SLC38A9: variants seen among roughly 807,000 people sequenced by gnomAD.
SLC38A9 encodes the protein solute carrier family 38 member 9.
SLC38A9 carries 48 observed loss-of-function variants against 62.3 expected under a neutral mutation model. The observed-to-expected ratio is 0.77, with a 90% confidence interval of 0.61 to 0.98. SLC38A9 has a LOEUF of 0.98. SLC38A9 is among the 50% of genes least tolerant of loss of function. SLC38A9 has a pLI of 0.00. For synonymous variants in SLC38A9, 204 were observed against 227.7 expected, an observed-to-expected ratio of 0.90 and a Z score of 0.94; for missense variants, 541 against 679.8, an observed-to-expected ratio of 0.80 and a Z score of 2.27.
intron 3 of SLC38A9, among the ~76,000 whole-genome samples, chr5:55,682,529 A>T (rs918004857): frequency 6.6e-6 from 1 of 152,212 alleles, no homozygotes; most frequent in African/African-American, 2.4e-5. Context: ...GTGGTGGCTC[A>T]TGCTTGTGAT....
At chr5:55,672,844 G>A in intron 3 of SLC38A9, 149 bp from the exon 4 acceptor site, 1 of 717,916 alleles carries the variant, frequency 1.4e-6, no homozygotes, top group Non-Finnish European at 2.2e-6. Context: ...AACAGAAAAT[G>A]TTACAAAAGA....
At chr5:55,688,799 TAATAG>T (rs1754326719) in intron 3 of SLC38A9, among the ~76,000 whole-genome samples, 1 of 152,132 alleles carries the variant, frequency 6.6e-6, no homozygotes, top group East Asian at 1.9e-4. Context: ...ACTCTCACTA[TAATAG>T]AAAAGAGAAA....
At chr5:55,631,789 TTTAAG>T (rs994677407) in intron 14 of SLC38A9, among the ~76,000 whole-genome samples, 33 of 152,354 alleles carry the variant, frequency 2.2e-4, no homozygotes, top group African/African-American at 7.2e-4. Flanking sequence ...TCAAATTTTA[TTTAAG>T]TTATCTTTCT....
chr5:55,667,107 A>G (rs1474628358), intron 7 of SLC38A9, among the ~76,000 whole-genome samples: 1 of 152,216 alleles, frequency 6.6e-6, no homozygotes, highest in Non-Finnish European at 1.5e-5. Context: ...AGGCATGAGA[A>G]TTGCTTGAAC....
intron 7 of SLC38A9, among the ~76,000 whole-genome samples, chr5:55,666,517 T>C (rs1580252623): frequency 6.6e-6 from 1 of 152,276 alleles, no homozygotes; most frequent in South Asian, 2.1e-4. Context: ...CAGAAAGCAG[T>C]CATAAGCCTG....
chr5:55,669,360 A>C, intron 6 of SLC38A9, 39 bp from the exon 7 acceptor site: 1 of 1,520,630 alleles, frequency 6.6e-7, no homozygotes, highest in Middle Eastern at 1.7e-4. Context: ...ATATATCATC[A>C]TGTAAGCATA....
intron 8 of SLC38A9, among the ~76,000 whole-genome samples, chr5:55,658,650 T>C (rs10056287): frequency 0.19 from 28,662 of 152,160 alleles, 2,766 homozygotes; most frequent in Middle Eastern, 0.22. Flanking sequence ...CTGTTCACCC[T>C]TTGATTTCAC....
At chr5:55,635,953 A>G (rs1468660919) in intron 12 of SLC38A9, among the ~76,000 whole-genome samples, 1 of 152,232 alleles carries the variant, frequency 6.6e-6, no homozygotes, top group Non-Finnish European at 1.5e-5. Context: ...ATTCTGACTT[A>G]ATTTCAAAAG....
chr5:55,630,934 C>G (rs1013290332), intron 14 of SLC38A9, among the ~76,000 whole-genome samples: 1 of 152,032 alleles, frequency 6.6e-6, no homozygotes, highest in Non-Finnish European at 1.5e-5. Flanking sequence ...GAGTTCAAGA[C>G]CAGCCTGCCC....
At chr5:55,688,775 A>T (rs1056652193) in intron 3 of SLC38A9, among the ~76,000 whole-genome samples, 4 of 152,208 alleles carry the variant, frequency 2.6e-5, no homozygotes, top group East Asian at 1.9e-4. Flanking sequence ...CATAATTTTT[A>T]AAAAATAAAA....
At chr5:55,658,833 T>C (rs1748947979) in intron 8 of SLC38A9, among the ~76,000 whole-genome samples, 1 of 152,146 alleles carries the variant, frequency 6.6e-6, no homozygotes, top group Non-Finnish European at 1.5e-5. Context: ...TCTAAACAAA[T>C]ATTAGCTCCT....
intron 3 of SLC38A9, among the ~76,000 whole-genome samples, chr5:55,678,138 G>GTTTTTTTTTTTTTTTTTTTT (rs769465008): frequency 7.7e-6 from 1 of 129,444 alleles, no homozygotes; most frequent in Non-Finnish European, 1.6e-5. Context: ...AAGGTTACTG[G>GTTTTTTTTTTTTTTTTTTTT]TTTTTTTTTC....
intron 11 of SLC38A9, among the ~76,000 whole-genome samples, chr5:55,648,888 T>G (rs1746873073): frequency 6.6e-6 from 1 of 152,176 alleles, no homozygotes; most frequent in South Asian, 2.1e-4. Context: ...ATAAAAATGT[T>G]TAATTAAAAA....
chr5:55,632,424 C>T (rs934359566), intron 14 of SLC38A9, among the ~76,000 whole-genome samples: 46 of 152,082 alleles, frequency 3.0e-4, no homozygotes, highest in East Asian at 5.8e-4. Context: ...GGCGGCAGAG[C>T]GAGACTCAGT....
chr5:55,703,054 T>C (rs1000688586), intron 2 of SLC38A9, among the ~76,000 whole-genome samples: 1 of 152,168 alleles, frequency 6.6e-6, no homozygotes, highest in African/African-American at 2.4e-5. Flanking sequence ...ATTATCTATT[T>C]TAAGATGTGA....
intron 4 of SLC38A9, 113 bp downstream of exon 4, chr5:55,672,450 G>C: frequency 8.2e-7 from 1 of 1,212,428 alleles, no homozygotes; most frequent in South Asian, 1.4e-5. Flanking sequence ...GCATGATGCT[G>C]TCCTTGAAAT....
Position 55,677,712 on chromosome 5 carries a change from T to A in SLC38A9, c.114-5017A>T, listed in dbSNP as rs79818628. Among the ~76,000 whole-genome samples, 56 of 89,138 alleles carry A rather than the reference T, an allele frequency of 6.3e-4. 1 individual carries two copies. In the Middle Eastern group the frequency reaches 0.016, roughly 25 times the overall value. The allele number at this position is 89,138 out of a possible 152,430, so 58.5% of individuals were successfully genotyped here. ...GTGCCCAGCTAATTAAAAAAAAAAATTTTTTTTTTTTTGGTAGAGATGGGG... is the reference window on the plus strand; with the variant it reads ...GTGCCCAGCTAATTAAAAAAAAAAAATTTTTTTTTTTTGGTAGAGATGGGG... On this transcript the variant is annotated intron_variant, in intron 3 of 15. Transcript: ENST00000396865.
intron 12 of SLC38A9, among the ~76,000 whole-genome samples, chr5:55,644,854 C>T (rs536632661): frequency 4.6e-5 from 7 of 152,174 alleles, no homozygotes; most frequent in Admixed American, 1.3e-4. Flanking sequence ...TCTCCTAATG[C>T]TATCCCTCCC....
intron 8 of SLC38A9, among the ~76,000 whole-genome samples, chr5:55,662,366 C>T (rs1367073169): frequency 2.0e-5 from 3 of 152,034 alleles, no homozygotes; most frequent in Non-Finnish European, 4.4e-5. Context: ...GTTGCAAAAG[C>T]GTTTATGTAG....
Sources: allele counts gnomAD v4.1 joint callset (sites outside exome capture counted in the v4.1 genomes callset), GRCh38; gene constraint gnomAD v4.1.1; transcripts MANE v1.5; gene names NCBI Gene and HGNC (gene_info 2026-07-23, HGNC 2026-07-21).